Variants in PAPPA observed in about 807,000 individuals in gnomAD.
PAPPA encodes pappalysin 1.
A neutral mutation model predicts 164.0 loss-of-function variants in PAPPA; 60 were observed. That is an observed-to-expected ratio of 0.37 (90% CI 0.30 to 0.45). PAPPA has a LOEUF of 0.45. PAPPA is among the 20% of genes least tolerant of loss of function. The pLI, the probability that PAPPA is intolerant of heterozygous loss-of-function variation, is 1.00. For missense variants in PAPPA, 1,782 were observed against 2,087.3 expected (o/e 0.85, Z 2.85); for synonymous variants, 875 against 814.1 (o/e 1.07, Z -1.27).
rs1847037386 is a variant in PAPPA, at chr9:116,400,590, A to C, written c.*3974A>C. On this transcript the variant is annotated 3_prime_UTR_variant, in exon 22 of 22. Transcript: ENST00000328252. ...TTATAAAGACTGCACTCAGAACCACACTGCACAGTCCAGTTTTTTAAAAAG... is the reference window on the plus strand; with the variant it reads ...TTATAAAGACTGCACTCAGAACCACCCTGCACAGTCCAGTTTTTTAAAAAG... 1.3e-5 allele frequency: 2 copies of C among 152,224 alleles called. No individual in the cohort carries two copies. The highest frequency in any genetic ancestry group is 4.1e-4 in the South Asian group (2 of 4,838). The allele number at this position is 152,224 out of a possible 1,614,324, so 9.4% of individuals were successfully genotyped here. A position where few individuals can be genotyped will look rare whatever the true frequency, so the allele number is the denominator to read the frequency against.
chr9:116,267,748 G>A lies in PAPPA; in HGVS notation c.2861+1763G>A, dbSNP rs914253882. Among the ~76,000 whole-genome samples the A allele has an allele frequency of 2.6e-5, 4 of 151,814 alleles. No individual in the cohort carries two copies. In the East Asian group the frequency reaches 5.8e-4, roughly 22 times the overall value. Reference sequence around the variant, plus strand: ...AAATTAGCCGGGCGCGGTGGCGGGCGCCTGTAGTCCCAGCTACTCGGGAGG... The same window carrying A: ...AAATTAGCCGGGCGCGGTGGCGGGCACCTGTAGTCCCAGCTACTCGGGAGG... On this transcript the variant is annotated intron_variant, in intron 8 of 21. Coordinates refer to ENST00000328252, the MANE Select transcript of PAPPA (RefSeq NM_002581.5).
intron 10 of PAPPA, among the ~76,000 whole-genome samples, chr9:116,315,039 G>T (rs1023678537): frequency 6.6e-6 from 1 of 152,132 alleles, no homozygotes; most frequent in African/African-American, 2.4e-5. Flanking sequence ...CTCAGAAAAT[G>T]GACTCATTAA....
chr9:116,188,735 G>C (rs779146254), intron 2 of PAPPA, among the ~76,000 whole-genome samples: 5 of 152,172 alleles, frequency 3.3e-5, no homozygotes, highest in Non-Finnish European at 5.9e-5. Flanking sequence ...GAAAGTTCTG[G>C]TGGACAGGCT....
chr9:116,367,746 C>T lies in PAPPA; in HGVS notation c.4597C>T (p.Arg1533Trp), dbSNP rs199881786. 12 of 1,610,588 alleles carry T rather than the reference C, an allele frequency of 7.5e-6. No individual in the cohort carries two copies. Among genetic ancestry groups the T allele is most frequent in the African/African-American group, 6.7e-5 (5 of 74,804 alleles). Reference sequence around the variant, plus strand: ...CATCCCCCACTGGCTGAACCCCACACGGGTAGAGGTGAGTGACCAGGGACA... The same window carrying T: ...CATCCCCCACTGGCTGAACCCCACATGGGTAGAGGTGAGTGACCAGGGACA... Reference protein sequence around the residue: ...RDIPHWLNPTRVERVVCTAGL... With the variant: ...RDIPHWLNPTWVERVVCTAGL... Residue 1533 changes from arginine (R) to tryptophan (W), a missense_variant, in exon 19 of 22, where the codon CGG becomes TGG. Arg to Trp is a moderately radical substitution (Grantham distance 101). This residue lies in a region of PAPPA where 1,324 missense variants were observed against 1,656.9 expected (regional missense o/e 0.80). Transcript: ENST00000328252.
intron 17 of PAPPA, among the ~76,000 whole-genome samples, chr9:116,354,389 G>T (rs1846324988): frequency 6.6e-6 from 1 of 152,122 alleles, no homozygotes; most frequent in East Asian, 1.9e-4. Flanking sequence ...GGAACAAAAG[G>T]CTGAAAAAAC....
At position 116,235,170 on chromosome 9, in the gene PAPPA, C is replaced by T. The variant is rs188260353; in HGVS notation, c.2265C>T (p.Ser755=). Residue 755 remains serine (S), a synonymous_variant, in exon 7 of 22, where the codon TCC becomes TCT. Transcript: ENST00000328252. The part of the protein sequence containing the change: ...GHPDVEQPCK[S]SVRTWSPNSA... ...CTGATGTTGAACAGCCCTGTAAGTC[C>T]AGTGTCCGCACCTGGAGCCCAAATT... 37 of 1,614,114 alleles carry T rather than the reference C, an allele frequency of 2.3e-5. No homozygotes were observed. The East Asian group carries it at 7.1e-4, about 31-fold the overall frequency.
In PAPPA at chr9:116,271,938, C is replaced by G. The variant is rs972194814; in HGVS notation, c.2953+522C>G. Among the ~76,000 whole-genome samples the G allele has an allele frequency of 1.2e-4, 18 of 152,208 alleles. No individual in the cohort carries two copies. Among genetic ancestry groups the G allele is most frequent in the African/African-American group, 4.3e-4 (18 of 41,440 alleles). ...ACCTCCAGCCGTGATGCAGGAACCA[C>G]CAAGGTCCCCTCTGCAGACTCAGAA... is the stretch of plus-strand genomic sequence containing the variant. On this transcript the variant is annotated intron_variant, in intron 9 of 21. Transcript: ENST00000328252. The surrounding 1 kb of genome is among the most constrained non-coding windows in gnomAD (Gnocchi z 4.2).
intron 21 of PAPPA, among the ~76,000 whole-genome samples, chr9:116,393,755 T>C (rs1846924843): frequency 6.6e-6 from 1 of 152,046 alleles, no homozygotes; most frequent in African/African-American, 2.4e-5. Flanking sequence ...GGAAGAGCAG[T>C]CAGAGTGGAG....
chr9:116,190,477 T>C (rs1844027798), intron 2 of PAPPA, among the ~76,000 whole-genome samples: 1 of 152,210 alleles, frequency 6.6e-6, no homozygotes, highest in Non-Finnish European at 1.5e-5. Context: ...AATCTGCTAA[T>C]AAATGGATAG....
At chr9:116,236,310 G>A (rs770471097) in intron 7 of PAPPA, among the ~76,000 whole-genome samples, 1 of 151,912 alleles carries the variant, frequency 6.6e-6, no homozygotes, top group Non-Finnish European at 1.5e-5. Flanking sequence ...TCCCGGCCAG[G>A]GAGGTGGCTC....
Position 116,211,846 on chromosome 9 carries a change from C to T in PAPPA, c.1832C>T (p.Ser611Phe). 1 of 1,614,068 alleles carries T rather than the reference C, an allele frequency of 6.2e-7. No individual in the cohort carries two copies. The highest frequency in any genetic ancestry group is 8.5e-7 in the Non-Finnish European group (1 of 1,179,962). The stretch of plus-strand genomic sequence containing the variant: ...ACCAACCCAGCCCCTAAACACAAGT[C>T]CTGTGGTGACCCAGGGCCAGGAAAT... Reference protein sequence around the residue: ...NDTNPAPKHKSCGDPGPGNDT... With the variant: ...NDTNPAPKHKFCGDPGPGNDT... Residue 611 changes from serine (S) to phenylalanine (F), a missense_variant, in exon 4 of 22, where the codon TCC (serine) becomes TTC (phenylalanine). Physicochemically the swap from Ser to Phe is radical, Grantham distance 155. Around this residue, in one of 2 missense-constraint regions of PAPPA, gnomAD observed 1,324 missense variants for 1,656.9 expected, o/e 0.80. Coordinates refer to ENST00000328252, the MANE Select transcript of PAPPA (RefSeq NM_002581.5).
intron 7 of PAPPA, among the ~76,000 whole-genome samples, chr9:116,250,878 T>G (rs1844852643): frequency 1.3e-5 from 2 of 152,190 alleles, no homozygotes; most frequent in South Asian, 2.1e-4. Context: ...TGGCCAGACC[T>G]TGGGACTCAC....
intron 9 of PAPPA, among the ~76,000 whole-genome samples, chr9:116,296,862 A>T (rs553934721): frequency 2.0e-5 from 3 of 149,618 alleles, no homozygotes; most frequent in Non-Finnish European, 4.5e-5. Flanking sequence ...TTATGTGTTT[A>T]TTTTTTTTTT....
chr9:116,188,176 A>G lies in PAPPA; in HGVS notation c.1438A>G (p.Asn480Asp). 6.2e-7 allele frequency: 1 copy of G among 1,613,664 alleles called. No homozygotes were observed. Among genetic ancestry groups the G allele is most frequent in the African/African-American group, 1.3e-5 (1 of 75,016 alleles). Residue 480 changes from asparagine (N) to aspartate (D), a missense_variant, in exon 2 of 22, where the codon AAT becomes GAT. Around this residue, in one of 2 missense-constraint regions of PAPPA, gnomAD observed 1,324 missense variants for 1,656.9 expected, o/e 0.80. Coordinates refer to ENST00000328252, the MANE Select transcript of PAPPA (RefSeq NM_002581.5). ...GGECCDPEIT[N>D]VTQTCFDPDS... is the part of the protein sequence containing the mutation. Reference sequence around the variant, plus strand: ...AGAGTGCTGTGACCCTGAAATCACCAATGTCACTCAGACTTGCTTTGACCC... The same window carrying G: ...AGAGTGCTGTGACCCTGAAATCACCGATGTCACTCAGACTTGCTTTGACCC...
chr9:116,281,087 G>A (rs1350429551), intron 9 of PAPPA, among the ~76,000 whole-genome samples: 1 of 152,230 alleles, frequency 6.6e-6, no homozygotes, highest in Non-Finnish European at 1.5e-5. Flanking sequence ...TATTTCCAAT[G>A]TATTAAGTTT....
rs138662840 is a variant in PAPPA, at chr9:116,330,083, T to C, written c.3148-1161T>C. On this transcript the variant is annotated intron_variant, in intron 10 of 21. Transcript: ENST00000328252. ...TTGAGGATATATCACTTTTTTTCAA[T>C]AGCATATGAGATCCTCAGGGCTCTC... Among the ~76,000 whole-genome samples the C allele has an allele frequency of 1.6e-3, 246 of 152,324 alleles. 3 individuals carry two copies. Among genetic ancestry groups the C allele is most frequent in the Admixed American group, 0.015 (229 of 15,292 alleles).
Position 116,344,540 on chromosome 9 carries a change from C to T in PAPPA, c.3612-3C>T. 2 of 1,609,724 alleles carry T rather than the reference C, an allele frequency of 1.2e-6. No individual in the cohort carries two copies. The highest frequency in any genetic ancestry group is 1.7e-6 in the Non-Finnish European group (2 of 1,176,330). On this transcript the variant is annotated splice_region_variant and splice_polypyrimidine_tract_variant and intron_variant, in intron 13 of 21. Coordinates refer to ENST00000328252, the MANE Select transcript of PAPPA (RefSeq NM_002581.5). The stretch of plus-strand genomic sequence containing the variant: ...TTCTTCCCCTCGTTTCTTTCCTCCC[C>T]AGCTGCGTGCACTTCGCATGTGAGA...
chr9:116,247,894 G>A (rs781227949), intron 7 of PAPPA, among the ~76,000 whole-genome samples: 1 of 152,172 alleles, frequency 6.6e-6, no homozygotes, highest in Non-Finnish European at 1.5e-5. Flanking sequence ...CATTGTTTAA[G>A]CTTAAGTTCC....
At chr9:116,298,869 T>C (rs1439361609) in intron 9 of PAPPA, among the ~76,000 whole-genome samples, 1 of 152,214 alleles carries the variant, frequency 6.6e-6, no homozygotes, top group Non-Finnish European at 1.5e-5. Context: ...TGGTATTGAC[T>C]TCAGACTCTT....
Sources: gnomAD v4.1 joint callset for allele counts (sites outside exome capture counted in the v4.1 genomes callset) on GRCh38, gnomAD v4.1.1 for gene constraint, gnomAD v4.1.1 regional missense constraint, Gnocchi (gnomAD v3.1) non-coding constraint, MANE v1.5 for transcripts, NCBI Gene and HGNC (gene_info 2026-07-23, HGNC 2026-07-21) for gene names.